Variants in ARHGEF10 observed in about 807,000 individuals in gnomAD.
ARHGEF10 encodes Rho guanine nucleotide exchange factor (GEF) 10.
In ARHGEF10, 140 loss-of-function variants were observed where a neutral mutation model predicts 147.4. The observed-to-expected ratio is 0.95, with a 90% CI of 0.83 to 1.09. The LOEUF is 1.09. Among genes scored for constraint, ARHGEF10 ranks in the 50% least tolerant of loss-of-function variants. The pLI, the probability that ARHGEF10 is intolerant of heterozygous loss-of-function variation, is 0.00. For synonymous variants in ARHGEF10, 902 were observed against 695.8 expected (o/e 1.30, Z -4.67); for missense variants, 2,222 against 1,752.7 (o/e 1.27, Z -4.78).
At chr8:1,907,657 CT>C (rs1811010108) in intron 17 of ARHGEF10, among the ~76,000 whole-genome samples, 1 of 152,172 alleles carries the variant, frequency 6.6e-6, no homozygotes, top group Non-Finnish European at 1.5e-5. Flanking sequence ...AAAATGGATA[CT>C]TTAAAAGTAA....
chr8:1,939,541 C>T (rs1015180158), intron 26 of ARHGEF10, among the ~76,000 whole-genome samples: 6 of 152,248 alleles, frequency 3.9e-5, no homozygotes, highest in Non-Finnish European at 7.3e-5. Context: ...CTACGAGTTT[C>T]ACGACGGCAG....
intron 18 of ARHGEF10, among the ~76,000 whole-genome samples, chr8:1,913,427 A>C (rs1375946318): frequency 6.6e-6 from 1 of 152,242 alleles, no homozygotes; most frequent in Non-Finnish European, 1.5e-5. Context: ...TCAGATGTGC[A>C]AATATTCATC....
intron 17 of ARHGEF10, among the ~76,000 whole-genome samples, chr8:1,908,788 TA>T (rs1216826064): frequency 7.8e-6 from 1 of 128,262 alleles, no homozygotes; most frequent in Non-Finnish European, 1.7e-5. Flanking sequence ...GTATAAGTCA[TA>T]GGGTTTTTTT....
At chr8:1,877,954 T>A in intron 8 of ARHGEF10, among the ~76,000 whole-genome samples, 1 of 152,012 alleles carries the variant, frequency 6.6e-6, no homozygotes, top group Non-Finnish European at 1.5e-5. Context: ...AAGCGGAGAT[T>A]TCATTCCTGG....
At position 1,935,223 on chromosome 8, in the gene ARHGEF10, C is replaced by A. The variant is rs946776529; in HGVS notation, c.3222+1281C>A. Among the ~76,000 whole-genome samples, 6 of 152,178 alleles carry A rather than the reference C, an allele frequency of 3.9e-5. No homozygotes were observed. In the East Asian group the frequency reaches 9.7e-4, roughly 25 times the overall value. ...CCCACACACGCACACCCCCCACAAC[C>A]CCCCATCAGCCCCGTCCTGGAGTGG... On this transcript the variant is annotated intron_variant, in intron 26 of 28. Transcript: ENST00000349830.
chr8:1,913,739 T>G (rs1811548993), intron 18 of ARHGEF10, among the ~76,000 whole-genome samples: 1 of 152,222 alleles, frequency 6.6e-6, no homozygotes, highest in African/African-American at 2.4e-5. Context: ...ACCGCCCTGC[T>G]CTGGCCCATT....
At chr8:1,831,741 G>T (rs116962494) in intron 1 of ARHGEF10, among the ~76,000 whole-genome samples, 4 of 152,232 alleles carry the variant, frequency 2.6e-5, no homozygotes, top group South Asian at 2.1e-4. Context: ...TGTGCGGGTC[G>T]TGCACTGCTC....
At chr8:1,929,172 G>A in intron 24 of ARHGEF10, 114 bp from the exon 25 acceptor site, 2 of 1,180,646 alleles carry the variant, frequency 1.7e-6, no homozygotes, top group Non-Finnish European at 2.5e-6. Context: ...CCCTAGGAAT[G>A]GAGAAGGAAG....
intron 1 of ARHGEF10, among the ~76,000 whole-genome samples, chr8:1,839,191 ATGTGGGGACTGTTTTG>A (rs1487903638): frequency 3.6e-5 from 2 of 55,638 alleles, no homozygotes; most frequent in East Asian, 7.3e-4. Context: ...GGACTGTCTG[ATGTGGGGACTGTTTTG>A]TGTGGGGACT....
At chr8:1,854,336 G>C (rs563273164) in intron 2 of ARHGEF10, among the ~76,000 whole-genome samples, 1 of 152,248 alleles carries the variant, frequency 6.6e-6, no homozygotes, top group East Asian at 1.9e-4. Flanking sequence ...GGCGCCCGCC[G>C]TGGGCACAGC....
At chr8:1,931,191 C>T (rs1585584527) in intron 25 of ARHGEF10, among the ~76,000 whole-genome samples, 1 of 152,262 alleles carries the variant, frequency 6.6e-6, no homozygotes, top group East Asian at 1.9e-4. Flanking sequence ...CTCCCTGCTG[C>T]CTGTGTTCCT....
chr8:1,829,160 A>C (rs1387578342), intron 1 of ARHGEF10, among the ~76,000 whole-genome samples: 2 of 152,242 alleles, frequency 1.3e-5, no homozygotes, highest in African/African-American at 2.4e-5. Flanking sequence ...GCCTGAGCTG[A>C]GTCGTCCCGA....
intron 1 of ARHGEF10, among the ~76,000 whole-genome samples, chr8:1,841,835 GAC>G (rs1804063312): frequency 1.1e-5 from 1 of 93,954 alleles, no homozygotes; most frequent in Non-Finnish European, 2.5e-5. Flanking sequence ...CTGGGGCCGC[GAC>G]GGGAACTGGG....
chr8:1,865,316 G>C (rs1806488284), intron 5 of ARHGEF10, among the ~76,000 whole-genome samples: 1 of 150,140 alleles, frequency 6.7e-6, no homozygotes, highest in African/African-American at 2.5e-5. Flanking sequence ...CAGCACCCAG[G>C]GGGCCGTCAC....
chr8:1,922,860 A>C (rs374560702), intron 18 of ARHGEF10, 104 bp from the exon 19 acceptor site: 4 of 797,212 alleles, frequency 5.0e-6, no homozygotes, highest in Non-Finnish European at 4.2e-6. Flanking sequence ...TTCACCCCTC[A>C]ACTTAAAAAT....
intron 16 of ARHGEF10, among the ~76,000 whole-genome samples, chr8:1,905,248 G>C (rs1810789710): frequency 7.1e-6 from 1 of 140,504 alleles, no homozygotes; most frequent in South Asian, 2.1e-4. Flanking sequence ...GTAAAATATG[G>C]CCTACCTTTA....
At chr8:1,851,436 A>C (rs2129061687) in intron 2 of ARHGEF10, among the ~76,000 whole-genome samples, 1 of 151,542 alleles carries the variant, frequency 6.6e-6, no homozygotes, top group South Asian at 2.1e-4. Flanking sequence ...CGTGGGCTTT[A>C]GTTAGTGACG....
At chr8:1,861,991 A>T (rs1806169951) in intron 4 of ARHGEF10, among the ~76,000 whole-genome samples, 1 of 152,220 alleles carries the variant, frequency 6.6e-6, no homozygotes, top group Non-Finnish European at 1.5e-5. Context: ...TGTTCTGTCA[A>T]CCTAGAGCCA....
At position 1,876,118 on chromosome 8, in the gene ARHGEF10, A is replaced by G. The variant is rs187555288; in HGVS notation, c.680-453A>G. On this transcript the variant is annotated intron_variant, in intron 7 of 28. Transcript: ENST00000349830. Reference sequence around the variant, plus strand: ...ACTTGAATATCTGTATCATCCACCTATCCATCCACCTACCCATATTTCTAT... The same window carrying G: ...ACTTGAATATCTGTATCATCCACCTGTCCATCCACCTACCCATATTTCTAT... 3.5e-5 allele frequency: 7 copies of G among 197,852 alleles called. No homozygotes were observed. In the South Asian group the frequency reaches 4.2e-4, roughly 12 times the overall value. The allele number at this position is 197,852 out of a possible 1,614,324, so 12.3% of individuals were successfully genotyped here.
Sources: gnomAD v4.1 joint callset for allele counts (sites outside exome capture counted in the v4.1 genomes callset) on GRCh38, gnomAD v4.1.1 for gene constraint, MANE v1.5 for transcripts, NCBI Gene and HGNC (gene_info 2026-07-23, HGNC 2026-07-21) for gene names.